The following RHEX variants were observed in gnomAD, a reference collection of about 807,000 sequenced individuals.
RHEX encodes regulator of hemoglobinization and erythroid cell expansion protein.
Under a neutral mutation model 20.1 loss-of-function variants are expected in RHEX, and 18 were observed. That is an observed-to-expected ratio of 0.90 (90% CI 0.62 to 1.33). The LOEUF is 1.33. RHEX is among the 40% of genes most tolerant of loss of function. RHEX has a pLI of 0.00. For missense variants in RHEX, 192 were observed against 214.3 expected, an observed-to-expected ratio of 0.90 and a Z score of 0.65; for synonymous variants, 87 against 77.1, an observed-to-expected ratio of 1.13 and a Z score of -0.67.
At chr1:206,058,803 G>A (rs1025987445) in intron 1 of RHEX, among the ~76,000 whole-genome samples, 1 of 152,180 alleles carries the variant, frequency 6.6e-6, no homozygotes, top group Middle Eastern at 3.4e-3. Context: ...TTGTGCATTC[G>A]GGGAGCTCGG....
At chr1:206,097,318 A>T (rs1326314755) in intron 1 of RHEX, among the ~76,000 whole-genome samples, 2 of 152,122 alleles carry the variant, frequency 1.3e-5, no homozygotes, top group African/African-American at 4.8e-5. Context: ...TGCTGCTAAC[A>T]AGGTGACCTG....
intron 1 of RHEX, among the ~76,000 whole-genome samples, chr1:206,071,030 C>G (rs782534071): frequency 1.4e-4 from 21 of 152,128 alleles, no homozygotes; most frequent in Non-Finnish European, 2.9e-4. Flanking sequence ...TTGACTCACA[C>G]GATCACAAGG....
At chr1:206,073,147 T>C (rs1302313681) in intron 1 of RHEX, among the ~76,000 whole-genome samples, 1 of 152,140 alleles carries the variant, frequency 6.6e-6, no homozygotes, top group Non-Finnish European at 1.5e-5. Context: ...TCCTCCTGTG[T>C]CTTTACCAGG....
At chr1:206,079,659 G>A (rs1188258439) in intron 1 of RHEX, among the ~76,000 whole-genome samples, 2 of 152,084 alleles carry the variant, frequency 1.3e-5, no homozygotes, top group Non-Finnish European at 2.9e-5. Flanking sequence ...AGGTTCAAGC[G>A]AATCTCCTGC....
rs1397354322 is a variant in RHEX at position 206,102,145 on chromosome 1, A to C, written c.*193A>C. 1.7e-6 allele frequency: 1 copy of C among 601,966 alleles called. No individual in the cohort carries two copies. The highest frequency in any genetic ancestry group is 2.9e-6 in the Non-Finnish European group (1 of 340,338). 37.3% of individuals were successfully genotyped at this position (601,966 alleles called of 1,614,324 possible). On this transcript the variant is annotated 3_prime_UTR_variant, in exon 6 of 6. Coordinates refer to ENST00000331555, the MANE Select transcript of RHEX (RefSeq NM_001007544.4). ...ACCCATGGACTCCTGGTCTGTACCC[A>C]AAAAAGCTGTTCGTTCCTCAAAAAC...
At chr1:206,082,445 G>A (rs1553286030) in intron 1 of RHEX, among the ~76,000 whole-genome samples, 1 of 151,812 alleles carries the variant, frequency 6.6e-6, no homozygotes, top group Non-Finnish European at 1.5e-5. Flanking sequence ...TTGAACCCAG[G>A]AGGCGGAGGT....
intron 3 of RHEX, 65 bp downstream of exon 3, chr1:206,098,246 G>A (rs1553287998): frequency 1.7e-6 from 2 of 1,210,954 alleles, no homozygotes; most frequent in African/African-American, 1.5e-5. Flanking sequence ...GCCTCCAGCA[G>A]GACAAGACCC....
intron 1 of RHEX, among the ~76,000 whole-genome samples, chr1:206,088,952 T>G: frequency 6.6e-6 from 1 of 152,240 alleles, no homozygotes; most frequent in Middle Eastern, 3.4e-3. Context: ...CCCAAGTATC[T>G]GGGAGTACAG....
intron 1 of RHEX, among the ~76,000 whole-genome samples, chr1:206,071,546 C>CAAAAAAAAAAAAAAAAAAAAA (rs35408708): frequency 1.0e-5 from 1 of 95,896 alleles, no homozygotes. Context: ...GTTGAAAATG[C>CAAAAAAAAAAAAAAAAAAAAA]AAAAAAAAAA....
At chr1:206,076,139 C>T (rs572080862) in intron 1 of RHEX, among the ~76,000 whole-genome samples, 2 of 151,876 alleles carry the variant, frequency 1.3e-5, no homozygotes, top group African/African-American at 4.8e-5. Context: ...AACAAAAAAA[C>T]ATGGATCACC....
intron 5 of RHEX, among the ~76,000 whole-genome samples, 179 bp from the exon 6 acceptor site, chr1:206,101,573 C>A (rs1220999605): frequency 6.6e-6 from 1 of 152,192 alleles, no homozygotes; most frequent in South Asian, 2.1e-4. Flanking sequence ...ACAGGTGGAA[C>A]AAAGTCACTG....
At chr1:206,097,561 A>G in intron 1 of RHEX, 172 bp from the exon 2 acceptor site, 1 of 549,076 alleles carries the variant, frequency 1.8e-6, no homozygotes, top group East Asian at 3.1e-5. Flanking sequence ...TTACTCATCA[A>G]GGTTCTTTAG....
intron 1 of RHEX, among the ~76,000 whole-genome samples, chr1:206,088,120 T>C (rs1553286597): frequency 6.6e-6 from 1 of 152,102 alleles, no homozygotes; most frequent in Non-Finnish European, 1.5e-5. Flanking sequence ...TAATTTATTT[T>C]TTATTAACTA....
At chr1:206,078,473 A>T (rs2102317584) in intron 1 of RHEX, among the ~76,000 whole-genome samples, 1 of 152,266 alleles carries the variant, frequency 6.6e-6, no homozygotes, top group South Asian at 2.1e-4. Flanking sequence ...AGGCAGGAGG[A>T]TGGCTTGAGC....
intron 1 of RHEX, among the ~76,000 whole-genome samples, chr1:206,087,693 A>T (rs1405558464): frequency 6.6e-6 from 1 of 152,210 alleles, no homozygotes; most frequent in Non-Finnish European, 1.5e-5. Context: ...ACATGGTGAG[A>T]TATAATTTAT....
At chr1:206,057,608 G>C (rs1308568436) in intron 1 of RHEX, among the ~76,000 whole-genome samples, 2 of 152,250 alleles carry the variant, frequency 1.3e-5, no homozygotes, top group African/African-American at 2.4e-5. Flanking sequence ...TGTGGACACA[G>C]AGCTTATGCT....
intron 1 of RHEX, among the ~76,000 whole-genome samples, chr1:206,082,601 T>C (rs782241322): frequency 3.3e-5 from 5 of 152,188 alleles, no homozygotes; most frequent in Non-Finnish European, 5.9e-5. Context: ...TACTTACTTA[T>C]ATTATTTAAC....
intron 1 of RHEX, among the ~76,000 whole-genome samples, chr1:206,084,377 C>G (rs782175677): frequency 2.0e-5 from 3 of 152,184 alleles, no homozygotes; most frequent in African/African-American, 7.2e-5. Context: ...AAGAATTTTA[C>G]GCAGATTGGC....
At chr1:206,069,646 A>G (rs1447481761) in intron 1 of RHEX, among the ~76,000 whole-genome samples, 1 of 152,202 alleles carries the variant, frequency 6.6e-6, no homozygotes, top group Admixed American at 6.5e-5. Flanking sequence ...TCTTCAATAC[A>G]GAATTAGTCT....
Sources: gnomAD v4.1 joint callset for allele counts (sites outside exome capture counted in the v4.1 genomes callset) on GRCh38, gnomAD v4.1.1 for gene constraint, MANE v1.5 for transcripts, NCBI Gene and HGNC (gene_info 2026-07-23, HGNC 2026-07-21) for gene names.